HDAC5: variants seen among roughly 807,000 people sequenced by gnomAD.
HDAC5 encodes the protein antigen NY-CO-9.
A neutral mutation model predicts 133.3 loss-of-function variants in HDAC5; 25 were observed. The observed-to-expected ratio is 0.19, with a 90% confidence interval of 0.14 to 0.26. The LOEUF (loss-of-function observed/expected upper bound fraction) is 0.26, where lower values mean the gene tolerates loss of function less well. HDAC5 is among the 10% of genes least tolerant of loss of function. The probability of loss-of-function intolerance (pLI) is 1.00; values close to 1 mark genes in which losing one functional copy is unlikely to be tolerated. For missense variants in HDAC5, 1,041 were observed against 1,460.5 expected (o/e 0.71, Z 4.68); for synonymous variants, 589 against 610.8 (o/e 0.96, Z 0.53).
chr17:44,098,835 A>C (rs2143393587), intron 3 of HDAC5, among the ~76,000 whole-genome samples: 1 of 150,556 alleles, frequency 6.6e-6, no homozygotes, highest in South Asian at 2.1e-4. Context: ...CTGAAAGGCC[A>C]GGGAGAGCCA....
At chr17:44,082,376 T>G in intron 20 of HDAC5, 1 of 587,486 alleles carries the variant, frequency 1.7e-6, no homozygotes, top group South Asian at 2.0e-5. Flanking sequence ...CTAAATGTCT[T>G]TCATAGTTGA....
chr17:44,094,736 G>C (rs970729872), intron 3 of HDAC5, among the ~76,000 whole-genome samples: 2 of 104,566 alleles, frequency 1.9e-5, no homozygotes, highest in Non-Finnish European at 4.6e-5. Flanking sequence ...GTATATATAT[G>C]TGTGTACGTA....
chr17:44,085,628 A>G (rs567462546), intron 14 of HDAC5, among the ~76,000 whole-genome samples: 6 of 151,978 alleles, frequency 3.9e-5, no homozygotes, highest in African/African-American at 1.2e-4. Flanking sequence ...CAGCCTCCCG[A>G]GTAGCTGGGA....
intron 21 of HDAC5, 40 bp downstream of exon 21, chr17:44,080,723 A>AGG (rs2050350953): frequency 1.2e-6 from 2 of 1,613,328 alleles, no homozygotes; most frequent in Admixed American, 1.7e-5. Flanking sequence ...CACCTCCCAG[A>AGG]GGGGCCAGGA....
intron 15 of HDAC5, 126 bp downstream of exon 15, chr17:44,084,896 G>A: frequency 7.4e-7 from 1 of 1,342,796 alleles, no homozygotes; most frequent in Non-Finnish European, 1.0e-6. Flanking sequence ...CGGGGTGGTG[G>A]GAGAACTGGC....
intron 3 of HDAC5, among the ~76,000 whole-genome samples, chr17:44,095,311 C>T (rs1055246067): frequency 1.3e-5 from 2 of 152,152 alleles, no homozygotes; most frequent in African/African-American, 4.8e-5. Context: ...CCACTGTGCC[C>T]GCTCCCATTT....
At chr17:44,100,750 T>C (rs1266549586) in intron 3 of HDAC5, among the ~76,000 whole-genome samples, 2 of 150,362 alleles carry the variant, frequency 1.3e-5, no homozygotes, top group Non-Finnish European at 3.0e-5. Flanking sequence ...AGAGACTCCG[T>C]CTCAAAATAA....
In HDAC5 at chr17:44,082,646, G is replaced by A. The variant is rs1387114422; in HGVS notation, c.2546C>T (p.Ala849Val). 6.2e-7 allele frequency: 1 copy of A among 1,614,110 alleles called. No homozygotes were observed. Among genetic ancestry groups the A allele is most frequent in the Admixed American group, 1.7e-5 (1 of 60,018 alleles). Residue 849 changes from alanine (A) to valine (V), a missense_variant, in exon 20 of 27, where the codon GCC becomes GTC. Physicochemically the swap from Ala to Val is moderately conservative, Grantham distance 64 (BLOSUM62 0). Coordinates refer to ENST00000682912, the MANE Select transcript of HDAC5 (RefSeq NM_005474.5). ...CTGCTGTAGGAGTTTTGCGGTGATG[G>A]CTACAGAGTTGAAGAAGCAGAATCC... ...AMGFCFFNSV[A>V]ITAKLLQQKL...
intron 19 of HDAC5, 33 bp downstream of exon 19, chr17:44,082,732 A>T: frequency 6.2e-7 from 1 of 1,606,006 alleles, no homozygotes; most frequent in Non-Finnish European, 8.5e-7. Flanking sequence ...AAGAGACAGG[A>T]AGGGGCGAGG....
chr17:44,088,464 G>A lies in HDAC5; in HGVS notation c.1522C>T (p.Leu508=). The A allele has an allele frequency of 6.2e-7, 1 of 1,608,188 alleles. No individual in the cohort carries two copies. The highest frequency in any genetic ancestry group is 1.1e-5 in the South Asian group (1 of 90,082). Reference sequence around the variant, plus strand: ...TGTTGTTGCATGACCAGCTGCTGCAGGGCCTGGGGACTCTGCGGCAGCGGT... The same window carrying A: ...TGTTGTTGCATGACCAGCTGCTGCAAGGCCTGGGGACTCTGCGGCAGCGGT... ...SSPLPQSPQA[L]QQLVMQQQHQ... Residue 508 remains leucine (L), a synonymous_variant, in exon 12 of 27, where the codon CTG becomes TTG. Transcript: ENST00000682912.
rs1056957295 is a variant in HDAC5, at chr17:44,087,469, G to A, written c.1827C>T (p.Gly609=). The A allele has an allele frequency of 2.3e-5, 34 of 1,504,078 alleles. No individual in the cohort carries two copies. The highest frequency in any genetic ancestry group is 1.3e-4 in the Admixed American group (8 of 59,826). 93.2% of individuals were successfully genotyped at this position (1,504,078 alleles called of 1,614,324 possible). Reference sequence around the variant, plus strand: ...CGGGCCCCTCCTCAGCACCACTCTCGCCCTCCTCGTCCTTAACCTGGATGC... The same window carrying A: ...CGGGCCCCTCCTCAGCACCACTCTCACCCTCCTCGTCCTTAACCTGGATGC... The part of the protein sequence containing the change: ...EDCIQVKDEE[G]ESGAEEGPDL... Residue 609 remains glycine (G), a synonymous_variant, in exon 13 of 27, where the codon GGC becomes GGT. Transcript: ENST00000682912.
At position 44,087,557 on chromosome 17, in the gene HDAC5, T is replaced by C. The variant is rs1452656940; in HGVS notation, c.1739A>G (p.Glu580Gly). 34 of 1,614,012 alleles carry C rather than the reference T, an allele frequency of 2.1e-5. No individual in the cohort carries two copies. The Middle Eastern group carries it at 4.9e-4, about 23-fold the overall frequency. Residue 580 changes from glutamate (E) to glycine (G), a missense_variant, in exon 13 of 27, where the codon GAG becomes GGG. This residue lies in a region of HDAC5 where 433 missense variants were observed against 531.6 expected (regional missense o/e 0.81). Coordinates refer to ENST00000682912, the MANE Select transcript of HDAC5 (RefSeq NM_005474.5). ...CTCCTCCAGGTCTTCCTGTGTGCTC[T>C]CACTCTCTGTGGAGCCCTCCCGGGG... ...TMPREGSTESESTQEDLEEED... is the reference protein window; with the variant it reads ...TMPREGSTESGSTQEDLEEED...
rs1025549592 is a variant in HDAC5, at chr17:44,077,253, G to A, written c.*1123C>T. On this transcript the variant is annotated 3_prime_UTR_variant, in exon 27 of 27. Transcript: ENST00000682912. The stretch of plus-strand genomic sequence containing the variant: ...CCCACAGCCCCTGGCAGGGCTCCTG[G>A]GAAAGAGAAGGGACAGCGCCCAGCC... 3.3e-5 allele frequency: 5 copies of A among 152,658 alleles called. No homozygotes were observed. The highest frequency in any genetic ancestry group is 1.2e-4 in the African/African-American group (5 of 41,430). 9.5% of individuals were successfully genotyped at this position (152,658 alleles called of 1,614,324 possible). A position where few individuals can be genotyped will look rare whatever the true frequency, so the allele number is the denominator to read the frequency against.
rs1431960688 is a variant in HDAC5 at position 44,092,543 on chromosome 17, C to T, written c.773-16G>A. ...GGTTCAGAGGCTGGAGAGAAGGTAA[C>T]CGAGGTTCAGATACGCGCACAGCAG... On this transcript the variant is annotated splice_polypyrimidine_tract_variant and intron_variant, in intron 7 of 26. Transcript: ENST00000682912. The T allele has an allele frequency of 6.2e-7, 1 of 1,609,512 alleles. No homozygotes were observed. The highest frequency in any genetic ancestry group is 8.5e-7 in the Non-Finnish European group (1 of 1,176,630).
intron 3 of HDAC5, among the ~76,000 whole-genome samples, chr17:44,097,804 G>C (rs1160894042): frequency 6.6e-6 from 1 of 152,262 alleles, no homozygotes; most frequent in Non-Finnish European, 1.5e-5. Context: ...GGCTGGAACT[G>C]TCGCCAGCAG....
chr17:44,093,017 C>A (rs2051039695), intron 6 of HDAC5, 75 bp downstream of exon 6: 3 of 1,072,294 alleles, frequency 2.8e-6, no homozygotes, highest in Non-Finnish European at 4.1e-6. Context: ...GGGGAAGAAG[C>A]CCCTTGCCAT....
chr17:44,094,580 T>C (rs1481900747), intron 3 of HDAC5, among the ~76,000 whole-genome samples: 1 of 152,094 alleles, frequency 6.6e-6, no homozygotes, highest in Non-Finnish European at 1.5e-5. Context: ...GAGGTTGCAG[T>C]GAGCCAAGAT....
At chr17:44,083,486 T>C (rs2050495107) in intron 18 of HDAC5, 59 bp downstream of exon 18, 2 of 1,257,012 alleles carry the variant, frequency 1.6e-6, no homozygotes, top group Non-Finnish European at 2.3e-6. Context: ...GCCCCTGTCC[T>C]CTGCCTCTGA....
chr17:44,092,108 C>T (rs2050980852), intron 9 of HDAC5, 64 bp downstream of exon 9: 1 of 1,427,484 alleles, frequency 7.0e-7, no homozygotes, highest in African/African-American at 1.4e-5. Flanking sequence ...AGGAGCTGCA[C>T]TCTTTCTTCC....
Sources: gnomAD v4.1 joint callset for allele counts (sites outside exome capture counted in the v4.1 genomes callset) on GRCh38, gnomAD v4.1.1 for gene constraint, gnomAD v4.1.1 regional missense constraint, MANE v1.5 for transcripts, NCBI Gene and HGNC (gene_info 2026-07-23, HGNC 2026-07-21) for gene names.